The following MAGED1 variants were observed in gnomAD, a reference collection of about 807,000 sequenced individuals.
The protein encoded by MAGED1 is MAGE family member D1, also known as melanoma-associated antigen D1.
A neutral mutation model predicts 54.1 loss-of-function variants in MAGED1; 3 were observed. The observed-to-expected ratio is 0.06, with a 90% CI of 0.03 to 0.14. The LOEUF is 0.14. Ranked by LOEUF, MAGED1 falls within the 10% of genes least tolerant of loss-of-function variation. The pLI, the probability that MAGED1 is intolerant of heterozygous loss-of-function variation, is 1.00. For synonymous variants in MAGED1, 217 were observed against 227.3 expected, an observed-to-expected ratio of 0.95 and a Z score of 0.41; for missense variants, 485 against 623.4, an observed-to-expected ratio of 0.78 and a Z score of 2.36.
Position 51,835,888 on chromosome X carries a change from G to T in MAGED1, c.-37+32771G>T, listed in dbSNP as rs1212253001. On this transcript the variant is annotated intron_variant, in intron 1 of 12. Transcript: ENST00000375772. ...TTAAGTTGCTTGCCATTGTTCAACA[G>T]TCCACTGATATTTTTCATACTTCAA... 4.5e-5 allele frequency among the ~76,000 whole-genome samples: 5 copies of T among 111,505 alleles called. No homozygotes were observed. The Admixed American group carries it at 4.8e-4, about 11-fold the overall frequency.
rs909344911 is a variant in MAGED1 at position 51,862,145 on chromosome X, G to A, written c.-36-32124G>A. ...TAATATTCTAAACTTTCATGATGAT[G>A]TGTGGATATTTGTATATCTGTTGTC... On this transcript the variant is annotated intron_variant, in intron 1 of 12. Transcript: ENST00000375772. Among the ~76,000 whole-genome samples the A allele has an allele frequency of 5.4e-5, 6 of 111,426 alleles. No homozygotes were observed. In the Admixed American group the frequency reaches 5.7e-4, roughly 11 times the overall value.
chrX:51,867,325 A>G (rs181229984), intron 1 of MAGED1, among the ~76,000 whole-genome samples: 224 of 112,093 alleles, frequency 2.0e-3, no homozygotes, highest in Non-Finnish European at 3.5e-3. Flanking sequence ...ATATATACAC[A>G]TAAAAATAAA....
At chrX:51,825,356 G>A (rs1557356894) in intron 1 of MAGED1, among the ~76,000 whole-genome samples, 1 of 111,939 alleles carries the variant, frequency 8.9e-6, no homozygotes, top group African/African-American at 3.2e-5. Flanking sequence ...AACAAATTTA[G>A]TTTAAAGATC....
At chrX:51,823,084 A>G (rs1322444858) in intron 1 of MAGED1, among the ~76,000 whole-genome samples, 3 of 112,247 alleles carry the variant, frequency 2.7e-5, no homozygotes, top group Non-Finnish European at 5.6e-5. Flanking sequence ...CATATGGTCT[A>G]TCTTCGATGA....
rs34342880 is a variant in MAGED1 at position 51,886,639 on chromosome X, C to CA, written c.-36-7621dup. 5.3e-3 allele frequency among the ~76,000 whole-genome samples: 539 copies of CA among 101,091 alleles called. 7 individuals carry two copies. The highest frequency in any genetic ancestry group is 0.016 in the African/African-American group (441 of 27,809). 87.8% of individuals were successfully genotyped at this position (101,091 alleles called of 115,157 possible). A position where few individuals can be genotyped will look rare whatever the true frequency, so the allele number is the denominator to read the frequency against. ...TATATGTAGAAATTCCCAAAATCTA[C>CA]AAAAAAAAAGAAAAAATCTCCTAGA... On this transcript the variant is annotated intron_variant, in intron 1 of 12. Coordinates refer to the MAGED1 transcript ENST00000375772.
At chrX:51,882,903 C>T (rs1360944496) in intron 1 of MAGED1, among the ~76,000 whole-genome samples, 1 of 111,405 alleles carries the variant, frequency 9.0e-6, no homozygotes, top group Non-Finnish European at 1.9e-5. Flanking sequence ...GTTGTCCAGG[C>T]TGGTCTCTAA....
intron 1 of MAGED1, among the ~76,000 whole-genome samples, chrX:51,877,351 A>C (rs1404655810): frequency 1.8e-5 from 2 of 111,780 alleles, no homozygotes; most frequent in Non-Finnish European, 3.8e-5. Context: ...TTTGTCTGTC[A>C]AAATGGCAAA....
chrX:51,896,708 G>C lies in MAGED1; in HGVS notation c.1053G>C (p.Gln351His). 8.3e-7 allele frequency: 1 copy of C among 1,211,964 alleles called. No homozygotes were observed. The highest frequency in any genetic ancestry group is 1.1e-6 in the Non-Finnish European group (1 of 895,527). ...PVIWPNPVIW[Q>H]NPVIWPNPIV... ...TTTGGCCAAACCCAGTAATCTGGCA[G>C]AACCCAGTGATCTGGCCAAACCCCA... Residue 351 changes from glutamine (Q) to histidine (H), a missense_variant, in exon 4 of 13, where the codon CAG becomes CAC. By Grantham distance (24) the Gln-to-His change is conservative (BLOSUM62 0). This residue lies in a region of MAGED1 where 299 missense variants were observed against 293.1 expected (regional missense o/e 1.02). Coordinates refer to ENST00000326587, the MANE Select transcript of MAGED1 (RefSeq NM_006986.4).
At chrX:51,871,416 TC>T (rs1557361557) in intron 1 of MAGED1, among the ~76,000 whole-genome samples, 2 of 108,455 alleles carry the variant, frequency 1.8e-5, no homozygotes, top group African/African-American at 6.7e-5. Context: ...ATGCTATCCC[TC>T]CCCCCTTCCC....
chrX:51,808,141 C>T (rs1229001354), intron 1 of MAGED1, among the ~76,000 whole-genome samples: 3 of 112,121 alleles, frequency 2.7e-5, no homozygotes, highest in Non-Finnish European at 5.6e-5. Flanking sequence ...ATTTATTTTC[C>T]TCAATAAGCC....
chrX:51,891,477 A>T (rs1409464993), upstream of MAGED1, among the ~76,000 whole-genome samples: 1 of 113,065 alleles, frequency 8.8e-6, no homozygotes, highest in African/African-American at 3.2e-5. Flanking sequence ...AAATAAGTGA[A>T]TTGATCACAG....
chrX:51,861,690 A>G lies in MAGED1; in HGVS notation c.-36-32579A>G, dbSNP rs782036659. Among the ~76,000 whole-genome samples, 142 of 111,162 alleles carry G rather than the reference A, an allele frequency of 1.3e-3. 1 individual carries two copies. Among genetic ancestry groups the G allele is most frequent in the Admixed American group, 2.9e-3 (30 of 10,406 alleles). ...TTCCCTTTTATCTGTGTATTTTTAT[A>G]TATTTATATTTGAGGCAGAGTCTTG... On this transcript the variant is annotated intron_variant, in intron 1 of 12. Coordinates refer to the MAGED1 transcript ENST00000375772.
intron 1 of MAGED1, among the ~76,000 whole-genome samples, chrX:51,822,228 G>A (rs1925662645): frequency 8.9e-6 from 1 of 111,867 alleles, no homozygotes; most frequent in African/African-American, 3.2e-5. Flanking sequence ...GTCTTCACTT[G>A]TTATAGGTTT....
intron 1 of MAGED1, 67 bp from the exon 2 acceptor site, chrX:51,894,202 A>G: frequency 1.7e-6 from 1 of 602,024 alleles, no homozygotes; most frequent in Non-Finnish European, 2.8e-6. Context: ...GACCACAGTC[A>G]CCCCCCTCCC....
At chrX:51,894,189 T>TCAGA in intron 1 of MAGED1, 80 bp from the exon 2 acceptor site, 1 of 553,754 alleles carries the variant, frequency 1.8e-6, no homozygotes, top group Non-Finnish European at 3.1e-6. Context: ...GCCCGCACAG[T>TCAGA]CAGACCACAG....
chrX:51,898,412 G>A (rs1435540413), intron 9 of MAGED1, 85 bp downstream of exon 9: 2 of 1,106,641 alleles, frequency 1.8e-6, no homozygotes, highest in African/African-American at 1.8e-5. Flanking sequence ...TAACCTGGGG[G>A]TCTGGAGGGT....
intron 11 of MAGED1, 133 bp downstream of exon 11, chrX:51,900,429 G>A: frequency 2.2e-6 from 1 of 449,848 alleles, no homozygotes; most frequent in Non-Finnish European, 3.8e-6. Flanking sequence ...ATTTGTTGTT[G>A]CTGTTAGGTA....
chrX:51,827,621 G>A (rs556795135), intron 1 of MAGED1, among the ~76,000 whole-genome samples: 2 of 111,728 alleles, frequency 1.8e-5, no homozygotes, highest in East Asian at 5.6e-4. Flanking sequence ...TTCATAGTGA[G>A]GGTGGTTGTG....
In MAGED1 at chrX:51,803,793, T is replaced by C. The variant is rs1476550325; in HGVS notation, c.-37+676T>C. 2.8e-5 allele frequency among the ~76,000 whole-genome samples: 3 copies of C among 107,216 alleles called. No homozygotes were observed. In the East Asian group the frequency reaches 8.8e-4, roughly 31 times the overall value. The allele number at this position is 107,216 out of a possible 115,157, so 93.1% of individuals were successfully genotyped here. On this transcript the variant is annotated intron_variant, in intron 1 of 12. Coordinates refer to the MAGED1 transcript ENST00000375772. ...TTAGATACTATTGCACAGGTTTCAG[T>C]CTTCTACACATTGCATTTATTTTTT...
Sources: allele counts gnomAD v4.1 joint callset (sites outside exome capture counted in the v4.1 genomes callset), GRCh38; gene constraint gnomAD v4.1.1; regional missense constraint gnomAD v4.1.1; transcripts MANE v1.5; gene names NCBI Gene and HGNC (gene_info 2026-07-23, HGNC 2026-07-21).